The following ARAP2 variants were observed in gnomAD, a reference collection of about 807,000 sequenced individuals.
ARAP2 encodes arf-GAP with Rho-GAP domain, ANK repeat and PH domain-containing protein 2.
Under a neutral mutation model 194.5 loss-of-function variants are expected in ARAP2, and 148 were observed. The ratio of observed to expected loss-of-function variants is 0.76; its 90% CI spans 0.67 to 0.87. The LOEUF (loss-of-function observed/expected upper bound fraction) is 0.87, where lower values mean the gene tolerates loss of function less well. ARAP2 is among the 40% of genes least tolerant of loss of function. ARAP2 has a pLI of 0.00. For missense variants in ARAP2, 2,128 were observed against 1,989.7 expected (o/e 1.07, Z -1.32); for synonymous variants, 695 against 683.5 (o/e 1.02, Z -0.26).
chr4:36,040,738 G>A (rs1208586627), intron 5 of ARAP2, among the ~76,000 whole-genome samples: 1 of 152,168 alleles, frequency 6.6e-6, no homozygotes, highest in Non-Finnish European at 1.5e-5. Flanking sequence ...GAGCTTTTGG[G>A]TCGAGAGTAC....
intron 5 of ARAP2, among the ~76,000 whole-genome samples, chr4:36,035,580 C>T (rs1015113818): frequency 9.2e-5 from 14 of 152,056 alleles, no homozygotes; most frequent in African/African-American, 3.4e-4. Context: ...ATTTACATCT[C>T]CAGCAGAGTC....
intron 22 of ARAP2, among the ~76,000 whole-genome samples, chr4:36,123,144 TTACAG>T (rs776218537): frequency 6.6e-5 from 10 of 151,818 alleles, no homozygotes; most frequent in Non-Finnish European, 1.3e-4. Context: ...GTCTATGCTT[TTACAG>T]TACACTTAAC....
At chr4:36,048,592 T>C (rs1722183772) in intron 3 of ARAP2, among the ~76,000 whole-genome samples, 1 of 152,212 alleles carries the variant, frequency 6.6e-6, no homozygotes. Flanking sequence ...TCATATTTGC[T>C]TTATCCAAAA....
At chr4:36,074,107 G>A (rs906996858) in intron 31 of ARAP2, among the ~76,000 whole-genome samples, 2 of 152,022 alleles carry the variant, frequency 1.3e-5, no homozygotes, top group African/African-American at 4.8e-5. Flanking sequence ...GAGGCAACTG[G>A]CAAATCTCTT....
intron 27 of ARAP2, among the ~76,000 whole-genome samples, chr4:36,098,067 A>T (rs1409022263): frequency 2.6e-5 from 4 of 151,360 alleles, no homozygotes; most frequent in Non-Finnish European, 5.9e-5. Context: ...AAAAAAAAAT[A>T]GTTTTTCTAA....
intron 8 of ARAP2, among the ~76,000 whole-genome samples, chr4:36,179,778 G>A (rs1738804022): frequency 6.6e-6 from 1 of 152,172 alleles, no homozygotes; most frequent in African/African-American, 2.4e-5. Context: ...ATTGAAGTAA[G>A]TCTCCGTATT....
At chr4:36,084,968 C>T (rs956250462) in intron 28 of ARAP2, among the ~76,000 whole-genome samples, 2 of 152,162 alleles carry the variant, frequency 1.3e-5, no homozygotes, top group African/African-American at 4.8e-5. Flanking sequence ...ATCTTATCTA[C>T]ACGGATAGGG....
At chr4:36,185,978 C>CAAAAAAAA (rs1054588041) in intron 8 of ARAP2, among the ~76,000 whole-genome samples, 2 of 135,146 alleles carry the variant, frequency 1.5e-5, no homozygotes, top group African/African-American at 5.5e-5. Flanking sequence ...AACTCTGTCT[C>CAAAAAAAA]AAAAAAAAAA....
chr4:36,013,054 T>C (rs908610277), intron 8 of ARAP2, among the ~76,000 whole-genome samples: 1 of 152,232 alleles, frequency 6.6e-6, no homozygotes, highest in Non-Finnish European at 1.5e-5. Flanking sequence ...TAGAGTATGT[T>C]ACATATTGAA....
chr4:36,198,367 G>A (rs900774992), intron 6 of ARAP2, among the ~76,000 whole-genome samples: 2 of 152,238 alleles, frequency 1.3e-5, no homozygotes, highest in Non-Finnish European at 2.9e-5. Context: ...GGCACCACAA[G>A]TTCCTACTGT....
At chr4:36,173,956 T>A (rs923857972) in intron 9 of ARAP2, among the ~76,000 whole-genome samples, 2 of 152,198 alleles carry the variant, frequency 1.3e-5, no homozygotes, top group African/African-American at 4.8e-5. Context: ...TTCTTGCCAA[T>A]AATAATCATC....
At chr4:36,065,527 T>C (rs1725254385), downstream of ARAP2, 1 of 270,134 alleles carries the variant, frequency 3.7e-6, no homozygotes, top group South Asian at 3.2e-5. Flanking sequence ...GGGCAGGCAG[T>C]AGAGTTCACC....
At chr4:36,120,144 A>C (rs1722340341) in intron 23 of ARAP2, among the ~76,000 whole-genome samples, 1 of 151,554 alleles carries the variant, frequency 6.6e-6, no homozygotes, top group African/African-American at 2.4e-5. Context: ...ACAAATACAG[A>C]AAATAGAGAC....
chr4:36,128,441 G>A, intron 21 of ARAP2, 92 bp downstream of exon 21: 9 of 940,680 alleles, frequency 9.6e-6, no homozygotes, highest in Non-Finnish European at 4.7e-6. Flanking sequence ...TAAAGTCTAA[G>A]TATTAAAAGG....
At chr4:36,212,072 C>T (rs1020430954) in intron 5 of ARAP2, among the ~76,000 whole-genome samples, 1 of 4,364 alleles carries the variant, frequency 2.3e-4, no homozygotes, top group African/African-American at 4.5e-4. Flanking sequence ...CTGCACTGCC[C>T]TTTTCTCCTT....
At chr4:36,115,745 T>C (rs1408957461) in intron 25 of ARAP2, among the ~76,000 whole-genome samples, 1 of 152,042 alleles carries the variant, frequency 6.6e-6, no homozygotes, top group Non-Finnish European at 1.5e-5. Flanking sequence ...GAGGTAATAA[T>C]TAGCAGAGAT....
At chr4:36,153,713 T>C (rs145492972) in intron 15 of ARAP2, among the ~76,000 whole-genome samples, 46 of 152,308 alleles carry the variant, frequency 3.0e-4, no homozygotes, top group African/African-American at 1.0e-3. Context: ...GTTGGATACC[T>C]TGATTGTCAG....
intron 9 of ARAP2, among the ~76,000 whole-genome samples, chr4:36,176,877 T>C (rs1160147890): frequency 3.9e-5 from 6 of 152,034 alleles, no homozygotes; most frequent in Non-Finnish European, 8.8e-5. Context: ...ATTTTTCTTA[T>C]AAAAAATAGT....
chr4:36,130,895 C>G (rs901774849), intron 20 of ARAP2, among the ~76,000 whole-genome samples: 2 of 151,858 alleles, frequency 1.3e-5, no homozygotes, highest in Admixed American at 6.6e-5. Flanking sequence ...ATAGCTGGCA[C>G]TCAAGTAAGT....
Sources: allele counts gnomAD v4.1 joint callset (sites outside exome capture counted in the v4.1 genomes callset), GRCh38; gene constraint gnomAD v4.1.1; transcripts MANE v1.5; gene names NCBI Gene and HGNC (gene_info 2026-07-23, HGNC 2026-07-21).